ENTREP1: variants seen among roughly 807,000 people sequenced by gnomAD.
ENTREP1 encodes the protein Friedreich ataxia region gene X123.
chr9:69,351,406 A>T, the ENTREP1 span, among the ~76,000 whole-genome samples: 1 of 152,064 alleles, frequency 6.6e-6, no homozygotes, highest in Non-Finnish European at 1.5e-5. Flanking sequence ...GATGATGATG[A>T]TGATGATGAT....
the ENTREP1 span, among the ~76,000 whole-genome samples, chr9:69,336,661 A>G: frequency 6.6e-6 from 1 of 151,794 alleles, no homozygotes; most frequent in Non-Finnish European, 1.5e-5. Flanking sequence ...TTACAGCTAT[A>G]CTCCCACTCA....
chr9:69,370,964 CTT>C, the ENTREP1 span, among the ~76,000 whole-genome samples: 2 of 152,060 alleles, frequency 1.3e-5, no homozygotes, highest in South Asian at 4.1e-4. Context: ...TAATAATTAA[CTT>C]TAGAGAAAAG....
chr9:69,362,338 G>A, the ENTREP1 span, among the ~76,000 whole-genome samples: 1 of 152,186 alleles, frequency 6.6e-6, no homozygotes, highest in South Asian at 2.1e-4. Context: ...CAAATTGAAG[G>A]TGATGTTGCT....
At chr9:69,354,276 A>C in the ENTREP1 span, among the ~76,000 whole-genome samples, 1 of 7,476 alleles carries the variant, frequency 1.3e-4, no homozygotes, top group African/African-American at 7.5e-4. Flanking sequence ...TTTTTTTTTG[A>C]GACAGAGTCT....
the ENTREP1 span, among the ~76,000 whole-genome samples, chr9:69,389,543 A>G: frequency 6.6e-6 from 1 of 152,268 alleles, no homozygotes; most frequent in African/African-American, 2.4e-5. Flanking sequence ...TGATCAGTTG[A>G]CGGTTCCGGG....
the ENTREP1 span, chr9:69,329,647 C>T: frequency 4.0e-4 from 390 of 985,154 alleles, no homozygotes; most frequent in East Asian, 7.9e-4. Context: ...TCCCAAAATT[C>T]GTGAAGCTAA....
At chr9:69,346,435 A>T in the ENTREP1 span, among the ~76,000 whole-genome samples, 4 of 152,030 alleles carry the variant, frequency 2.6e-5, no homozygotes, top group East Asian at 7.7e-4. Context: ...TGATGACTTT[A>T]TTGTTGTAGA....
At chr9:69,335,138 G>A in the ENTREP1 span, among the ~76,000 whole-genome samples, 1 of 152,120 alleles carries the variant, frequency 6.6e-6, no homozygotes. Flanking sequence ...TCTCACAGTA[G>A]TTCCTCCCAC....
chr9:69,365,660 T>G, the ENTREP1 span, among the ~76,000 whole-genome samples: 1 of 152,166 alleles, frequency 6.6e-6, no homozygotes, highest in Non-Finnish European at 1.5e-5. Context: ...CCTCTCTTCC[T>G]TGATCCTATC....
At chr9:69,352,056 G>C in the ENTREP1 span, among the ~76,000 whole-genome samples, 1 of 151,994 alleles carries the variant, frequency 6.6e-6, no homozygotes, top group African/African-American at 2.4e-5. Flanking sequence ...TGAGTAATCT[G>C]TTTTCTTTTT....
the ENTREP1 span, chr9:69,388,306 G>A: frequency 1.2e-6 from 2 of 1,614,220 alleles, no homozygotes. Context: ...TGGACACCAA[G>A]CTGCTGGTGG....
At chr9:69,375,667 C>A in the ENTREP1 span, 3 of 1,254,588 alleles carry the variant, frequency 2.4e-6, no homozygotes, top group Non-Finnish European at 3.4e-6. Flanking sequence ...AGGATTGGTG[C>A]TCCATGGTAG....
the ENTREP1 span, among the ~76,000 whole-genome samples, chr9:69,331,678 G>A: frequency 2.6e-5 from 4 of 152,268 alleles, no homozygotes; most frequent in South Asian, 4.2e-4. Flanking sequence ...GGGATGAAAA[G>A]TGTGTTTAGT....
the ENTREP1 span, among the ~76,000 whole-genome samples, chr9:69,341,424 A>G: frequency 6.6e-6 from 1 of 152,198 alleles, no homozygotes; most frequent in African/African-American, 2.4e-5. Flanking sequence ...TCAAGATTAT[A>G]GTATTTAGGA....
chr9:69,342,147 T>C, the ENTREP1 span, among the ~76,000 whole-genome samples: 1 of 151,022 alleles, frequency 6.6e-6, no homozygotes. Flanking sequence ...CTTTTCTTAC[T>C]CTTCAGAATT....
chr9:69,334,775 C>CTTT, the ENTREP1 span, among the ~76,000 whole-genome samples: 16 of 130,594 alleles, frequency 1.2e-4, no homozygotes, highest in African/African-American at 2.0e-4. Flanking sequence ...CTTTCCTTTT[C>CTTT]TTTTTTTTTT....
At chr9:69,328,431 G>A in the ENTREP1 span, among the ~76,000 whole-genome samples, 2 of 152,100 alleles carry the variant, frequency 1.3e-5, no homozygotes, top group East Asian at 3.8e-4. Context: ...CTCAACAAAT[G>A]TAGAAAGAAG....
chr9:69,363,573 G>T, the ENTREP1 span, among the ~76,000 whole-genome samples: 1 of 152,216 alleles, frequency 6.6e-6, no homozygotes, highest in Non-Finnish European at 1.5e-5. Context: ...GCAGGGAAGA[G>T]TGGGGGTGGT....
At chr9:69,336,099 T>G in the ENTREP1 span, 7 of 531,982 alleles carry the variant, frequency 1.3e-5, no homozygotes, top group East Asian at 1.9e-4. Flanking sequence ...ATTAAATGTT[T>G]GATTTAGAAT....
Sources: gnomAD v4.1 joint callset for allele counts (sites outside exome capture counted in the v4.1 genomes callset) on GRCh38, gnomAD v4.1.1 for gene constraint, MANE v1.5 for transcripts, NCBI Gene and HGNC (gene_info 2026-07-23, HGNC 2026-07-21) for gene names.